TLL2: variants seen among roughly 807,000 people sequenced by gnomAD.
TLL2 encodes tolloid-like protein 2.
Under a neutral mutation model 123.0 loss-of-function variants are expected in TLL2, and 106 were observed. The observed-to-expected ratio is 0.86, with a 90% CI of 0.74 to 1.01. The LOEUF is 1.01. TLL2 is among the 50% of genes least tolerant of loss of function. The pLI, the probability that TLL2 is intolerant of heterozygous loss-of-function variation, is 0.00. For synonymous variants in TLL2, 494 were observed against 516.8 expected (o/e 0.96, Z 0.60); for missense variants, 1,332 against 1,336.7 (o/e 1.00, Z 0.06).
intron 2 of TLL2, among the ~76,000 whole-genome samples, chr10:96,479,688 G>A (rs2134104012): frequency 6.6e-6 from 1 of 152,324 alleles, no homozygotes; most frequent in Non-Finnish European, 1.5e-5. Context: ...AGTGGGCAAA[G>A]CCCAAGCTCA....
chr10:96,411,257 C>CAAAAA (rs56011735), intron 8 of TLL2, among the ~76,000 whole-genome samples: 1 of 95,172 alleles, frequency 1.1e-5, no homozygotes, highest in Non-Finnish European at 2.1e-5. Flanking sequence ...GACTCTGTCT[C>CAAAAA]AAAAAAAAAA....
chr10:96,474,506 G>C (rs939501185), intron 2 of TLL2, among the ~76,000 whole-genome samples: 1 of 152,134 alleles, frequency 6.6e-6, no homozygotes, highest in African/African-American at 2.4e-5. Flanking sequence ...TGAGCAGAGG[G>C]AGCAGCTAGA....
In TLL2 at chr10:96,369,839, T is replaced by C. The variant is rs375192163; in HGVS notation, c.2913+226A>G. ...TCCCAAAAGGAAAAGTGCTCTTCCA[T>C]GGCTGGCCTCAGTAAGGGGCCTTCA... On this transcript the variant is annotated intron_variant, in intron 20 of 20. Transcript: ENST00000357947. Among the ~76,000 whole-genome samples, 28 of 151,840 alleles carry C rather than the reference T, an allele frequency of 1.8e-4. No individual in the cohort carries two copies. In the South Asian group the frequency reaches 2.3e-3, roughly 12 times the overall value.
chr10:96,439,742 T>TA (rs1171410834), intron 3 of TLL2, among the ~76,000 whole-genome samples: 1 of 152,190 alleles, frequency 6.6e-6, no homozygotes, highest in East Asian at 1.9e-4. Flanking sequence ...TGGTATGTAA[T>TA]ACACTGTTAA....
At chr10:96,486,732 C>T (rs965964508) in intron 1 of TLL2, among the ~76,000 whole-genome samples, 1 of 152,228 alleles carries the variant, frequency 6.6e-6, no homozygotes, top group Non-Finnish European at 1.5e-5. Context: ...GTAGAGAGCA[C>T]CCCTGGGAAG....
At chr10:96,485,238 T>A (rs1228870222) in intron 1 of TLL2, among the ~76,000 whole-genome samples, 1 of 152,162 alleles carries the variant, frequency 6.6e-6, no homozygotes, top group Non-Finnish European at 1.5e-5. Flanking sequence ...GGCGTAGATA[T>A]AACATCAAAA....
chr10:96,431,000 C>T (rs1380737760), intron 4 of TLL2, among the ~76,000 whole-genome samples: 2 of 152,110 alleles, frequency 1.3e-5, no homozygotes, highest in African/African-American at 4.8e-5. Context: ...ATAGCTCAAT[C>T]GCTCACCAAA....
At chr10:96,507,898 T>A (rs1413679852) in intron 1 of TLL2, among the ~76,000 whole-genome samples, 2 of 152,138 alleles carry the variant, frequency 1.3e-5, no homozygotes, top group African/African-American at 4.8e-5. Context: ...AACATTTAAC[T>A]CCAATATTGC....
At chr10:96,491,914 A>G (rs1564918476) in intron 1 of TLL2, among the ~76,000 whole-genome samples, 2 of 152,188 alleles carry the variant, frequency 1.3e-5, no homozygotes, top group Non-Finnish European at 2.9e-5. Flanking sequence ...AAGTACCTGT[A>G]AAGTACCTCA....
chr10:96,372,463 T>A (rs1482610145), intron 19 of TLL2, among the ~76,000 whole-genome samples: 1 of 152,206 alleles, frequency 6.6e-6, no homozygotes, highest in Non-Finnish European at 1.5e-5. Context: ...CTGTGGGCAC[T>A]AGTCCCAGGT....
At chr10:96,432,053 T>C (rs2134080682) in intron 4 of TLL2, among the ~76,000 whole-genome samples, 1 of 151,792 alleles carries the variant, frequency 6.6e-6, no homozygotes, top group African/African-American at 2.4e-5. Flanking sequence ...GACAGTGGGG[T>C]ACTTGAGGGA....
chr10:96,472,090 A>C (rs1393363028), intron 2 of TLL2, among the ~76,000 whole-genome samples: 1 of 152,162 alleles, frequency 6.6e-6, no homozygotes, highest in Non-Finnish European at 1.5e-5. Flanking sequence ...GGGATGTGTA[A>C]GAGAGCTCCC....
At chr10:96,370,374 T>G (rs1846070698) in intron 19 of TLL2, 59 bp from the exon 20 acceptor site, 2 of 1,494,718 alleles carry the variant, frequency 1.3e-6, no homozygotes, top group African/African-American at 2.8e-5. Flanking sequence ...GCCTCCCGCC[T>G]GCGTCTGCTC....
At chr10:96,422,924 T>C (rs1564904239) in intron 5 of TLL2, among the ~76,000 whole-genome samples, 197 bp from the exon 6 acceptor site, 2 of 152,092 alleles carry the variant, frequency 1.3e-5, no homozygotes, top group African/African-American at 4.8e-5. Context: ...GGTCAGGAGT[T>C]TGAGACCTGC....
At chr10:96,453,348 T>G (rs920985113) in intron 2 of TLL2, among the ~76,000 whole-genome samples, 3 of 151,790 alleles carry the variant, frequency 2.0e-5, no homozygotes, top group East Asian at 3.9e-4. Flanking sequence ...TACAGCTACT[T>G]AGGAGGCTGA....
rs114813745 is a variant in TLL2 at position 96,475,445 on chromosome 10, G to A, written c.286+4904C>T. On this transcript the variant is annotated intron_variant, in intron 2 of 20. Coordinates refer to ENST00000357947, the MANE Select transcript of TLL2 (RefSeq NM_012465.4). ...CAGCTCCTCTAGCTGGCAATATGAT[G>A]GGCAGGTTGGTAAAGTAGAAGACAC... is the stretch of plus-strand genomic sequence containing the variant. Among the ~76,000 whole-genome samples, 385 of 152,318 alleles carry A rather than the reference G, an allele frequency of 2.5e-3. 4 individuals carry two copies. The highest frequency in any genetic ancestry group is 8.7e-3 in the African/African-American group (362 of 41,570).
chr10:96,488,046 C>T (rs1363695584), intron 1 of TLL2, among the ~76,000 whole-genome samples: 1 of 152,214 alleles, frequency 6.6e-6, no homozygotes, highest in African/African-American at 2.4e-5. Context: ...GCCTCAGTTT[C>T]TTCATCTTCC....
At chr10:96,475,040 C>T (rs552700692) in intron 2 of TLL2, among the ~76,000 whole-genome samples, 6 of 152,296 alleles carry the variant, frequency 3.9e-5, no homozygotes, top group Non-Finnish European at 8.8e-5. Context: ...AGATCCTTAA[C>T]TAATTAGATC....
At position 96,476,602 on chromosome 10, in the gene TLL2, C is replaced by A. The variant is rs1847255086; in HGVS notation, c.286+3747G>T. On this transcript the variant is annotated intron_variant, in intron 2 of 20. Transcript: ENST00000357947. ...TAAAACAAATGTTTAAAGATACATG[C>A]AGAAAGTTATTTATAGAAACATTGC... 3.3e-5 allele frequency among the ~76,000 whole-genome samples: 5 copies of A among 149,404 alleles called. 1 individual carries two copies. In the South Asian group the frequency reaches 1.1e-3, roughly 32 times the overall value.
Sources: allele counts gnomAD v4.1 joint callset (sites outside exome capture counted in the v4.1 genomes callset), GRCh38; gene constraint gnomAD v4.1.1; transcripts MANE v1.5; gene names NCBI Gene and HGNC (gene_info 2026-07-23, HGNC 2026-07-21).